The following CHMP4C variants were observed in gnomAD, a reference collection of about 807,000 sequenced individuals.
CHMP4C encodes the protein charged multivesicular body protein 4C, also known as SNF7 homolog associated with Alix 3.
Under a neutral mutation model 29.0 loss-of-function variants are expected in CHMP4C, and 28 were observed. That is an observed-to-expected ratio of 0.97 (90% CI 0.72 to 1.32). The LOEUF (loss-of-function observed/expected upper bound fraction) is 1.32. Among genes scored for constraint, CHMP4C ranks in the 40% most tolerant of loss-of-function variants. The probability of loss-of-function intolerance (pLI) is 0.00; values close to 1 mark genes in which losing one functional copy is unlikely to be tolerated. For synonymous variants in CHMP4C, 106 were observed against 102.4 expected (o/e 1.04, Z -0.21); for missense variants, 291 against 281.0 (o/e 1.04, Z -0.25).
At chr8:81,735,399 A>G (rs766180240) in intron 1 of CHMP4C, among the ~76,000 whole-genome samples, 4 of 152,102 alleles carry the variant, frequency 2.6e-5, no homozygotes, top group Non-Finnish European at 5.9e-5. Flanking sequence ...TTCTAAATAA[A>G]CCAGATAACT....
At chr8:81,757,090 C>G (rs1808982117) in intron 3 of CHMP4C, among the ~76,000 whole-genome samples, 1 of 152,100 alleles carries the variant, frequency 6.6e-6, no homozygotes, top group South Asian at 2.1e-4. Flanking sequence ...CTCTCTTTCC[C>G]CACAGTGTTA....
chr8:81,743,109 A>G (rs908046952), intron 1 of CHMP4C, among the ~76,000 whole-genome samples: 10 of 152,090 alleles, frequency 6.6e-5, no homozygotes, highest in African/African-American at 2.2e-4. Flanking sequence ...AGAGGGGCTA[A>G]AGGAATACAG....
intron 1 of CHMP4C, among the ~76,000 whole-genome samples, chr8:81,733,133 A>T (rs1216867076): frequency 6.6e-6 from 1 of 152,102 alleles, no homozygotes; most frequent in East Asian, 1.9e-4. Flanking sequence ...TAAAGACAAG[A>T]TTGGTATTGA....
At chr8:81,740,288 G>T (rs1399597648) in intron 1 of CHMP4C, among the ~76,000 whole-genome samples, 2 of 152,208 alleles carry the variant, frequency 1.3e-5, no homozygotes, top group Non-Finnish European at 2.9e-5. Context: ...TGTTTGGGGG[G>T]TAGGGGGAAT....
chr8:81,741,616 G>T (rs1808763348), intron 1 of CHMP4C, among the ~76,000 whole-genome samples: 1 of 151,884 alleles, frequency 6.6e-6, no homozygotes. Flanking sequence ...CTTTGGAATG[G>T]GTAAGAATGA....
rs556041246 is a variant in CHMP4C at position 81,747,006 on chromosome 8, G to A, written c.191-6058G>A. ...GAGTTATATCTCCATTTTTCAGTAA[G>A]CAACTTATGTAAAGCCACATAGCCT... On this transcript the variant is annotated intron_variant, in intron 1 of 4. Transcript: ENST00000297265. 2.2e-4 allele frequency among the ~76,000 whole-genome samples: 33 copies of A among 152,180 alleles called. No individual in the cohort carries two copies. In the South Asian group the frequency reaches 3.1e-3, roughly 14 times the overall value.
At chr8:81,742,309 A>T (rs1187301514) in intron 1 of CHMP4C, among the ~76,000 whole-genome samples, 2 of 152,216 alleles carry the variant, frequency 1.3e-5, no homozygotes, top group Non-Finnish European at 2.9e-5. Flanking sequence ...AAGCAAGCAA[A>T]CGAGAATGGT....
intron 1 of CHMP4C, among the ~76,000 whole-genome samples, chr8:81,741,315 G>T (rs1022427193): frequency 2.6e-5 from 4 of 152,048 alleles, no homozygotes; most frequent in Non-Finnish European, 5.9e-5. Flanking sequence ...CTATTTTACA[G>T]TTTATTGAGT....
At chr8:81,740,635 A>G (rs140845077) in intron 1 of CHMP4C, among the ~76,000 whole-genome samples, 13 of 152,294 alleles carry the variant, frequency 8.5e-5, no homozygotes, top group Non-Finnish European at 1.0e-4. Flanking sequence ...TCTACTCCTT[A>G]TCATCTTATT....
intron 2 of CHMP4C, among the ~76,000 whole-genome samples, chr8:81,754,617 G>T (rs1808948183): frequency 6.6e-6 from 1 of 152,096 alleles, no homozygotes; most frequent in African/African-American, 2.4e-5. Flanking sequence ...TAGTTTCAGA[G>T]TTGGAGGAAT....
At chr8:81,734,970 T>C (rs575688773) in intron 1 of CHMP4C, among the ~76,000 whole-genome samples, 2 of 152,062 alleles carry the variant, frequency 1.3e-5, no homozygotes, top group Admixed American at 1.3e-4. Context: ...CTCAGGTCAC[T>C]GCAGCTTCCA....
chr8:81,736,094 A>G (rs1195539437), intron 1 of CHMP4C, among the ~76,000 whole-genome samples: 1,050 of 5,434 alleles, frequency 0.19, 12 homozygotes, highest in African/African-American at 0.35. Flanking sequence ...TCAATAAATA[A>G]ATAAATAAAT....
chr8:81,756,775 A>G (rs1024429978), intron 3 of CHMP4C, among the ~76,000 whole-genome samples: 2 of 152,180 alleles, frequency 1.3e-5, no homozygotes, highest in African/African-American at 4.8e-5. Context: ...TTGTGGGCAT[A>G]CATTCGGCAT....
chr8:81,737,630 C>T (rs76977358), intron 1 of CHMP4C, among the ~76,000 whole-genome samples: 3 of 152,230 alleles, frequency 2.0e-5, no homozygotes, highest in Admixed American at 6.5e-5. Flanking sequence ...CAAATAAAGT[C>T]CCACATTTGA....
intron 1 of CHMP4C, among the ~76,000 whole-genome samples, chr8:81,748,375 A>C (rs537272000): frequency 6.6e-6 from 1 of 152,204 alleles, no homozygotes; most frequent in Admixed American, 6.5e-5. Context: ...AAAGACAGGC[A>C]TAGGAAATCA....
intron 1 of CHMP4C, among the ~76,000 whole-genome samples, chr8:81,748,175 G>A (rs538452601): frequency 3.7e-4 from 57 of 152,134 alleles, no homozygotes; most frequent in Non-Finnish European, 6.6e-4. Flanking sequence ...CCGGCTCACT[G>A]GCAGTCAGAG....
At chr8:81,734,211 C>T (rs1217333932) in intron 1 of CHMP4C, among the ~76,000 whole-genome samples, 2 of 152,232 alleles carry the variant, frequency 1.3e-5, no homozygotes, top group Non-Finnish European at 2.9e-5. Flanking sequence ...GGCCCTTCCT[C>T]TTCAGTTTGA....
chr8:81,735,022 T>G (rs544341289), intron 1 of CHMP4C, among the ~76,000 whole-genome samples: 2 of 152,030 alleles, frequency 1.3e-5, no homozygotes, highest in Non-Finnish European at 2.9e-5. Flanking sequence ...GCTTCCCGAG[T>G]AGCTGGGATT....
intron 1 of CHMP4C, among the ~76,000 whole-genome samples, chr8:81,743,299 C>A (rs1024915890): frequency 6.6e-6 from 1 of 151,060 alleles, no homozygotes; most frequent in Non-Finnish European, 1.5e-5. Context: ...CACACATCTA[C>A]TTTGTAAAAT....
Sources: allele counts gnomAD v4.1 joint callset (sites outside exome capture counted in the v4.1 genomes callset), GRCh38; gene constraint gnomAD v4.1.1; transcripts MANE v1.5; gene names NCBI Gene and HGNC (gene_info 2026-07-23, HGNC 2026-07-21).